FAHD2B: variants seen among roughly 807,000 people sequenced by gnomAD.
The protein encoded by FAHD2B is fumarylacetoacetate hydrolase domain containing 2B.
In FAHD2B, 26 loss-of-function variants were observed where a neutral mutation model predicts 33.7. That is an observed-to-expected ratio of 0.77 (90% CI 0.57 to 1.07). The LOEUF is 1.07. Ranked by LOEUF, FAHD2B falls within the 50% of genes least tolerant of loss-of-function variation. The pLI is 0.00. For missense variants in FAHD2B, 272 were observed against 388.1 expected (o/e 0.70, Z 2.51); for synonymous variants, 108 against 150.9 (o/e 0.72, Z 2.08).
downstream of FAHD2B, chr2:97,081,159 G>A: frequency 3.4e-6 from 5 of 1,470,596 alleles, no homozygotes; most frequent in Non-Finnish European, 4.5e-6. Context: ...CCTGGGAGCT[G>A]CAGGGCATAT....
intron 4 of FAHD2B, 118 bp from the exon 5 acceptor site, chr2:97,086,316 A>G: frequency 1.4e-6 from 2 of 1,430,424 alleles, no homozygotes; most frequent in African/African-American, 2.8e-5. Context: ...CACGTTTGCC[A>G]TCACCCTGAA....
In FAHD2B at chr2:97,084,052, GGACCCAGTGA is replaced by G. The variant is rs771490149; in HGVS notation, c.795-27_795-18del. 8.4e-4 allele frequency: 1,356 copies of G among 1,613,352 alleles called. 3 individuals carry two copies. The highest frequency in any genetic ancestry group is 1.1e-3 in the Non-Finnish European group (1,241 of 1,179,836). On this transcript the variant is annotated intron_variant, in intron 7 of 8. Transcript: ENST00000414820. ...GTAACAAACCTGGAGCAAAGCAAAA[GGACCCAGTGA>G]GACCAGGGGCTGGCTGAGTGGCCAC...
downstream of FAHD2B, chr2:97,081,655 G>A (rs2031648592): frequency 5.0e-6 from 7 of 1,411,588 alleles, no homozygotes; most frequent in Non-Finnish European, 5.6e-6. Flanking sequence ...CTTGCAGCGG[G>A]GAAGCCTAGC....
downstream of FAHD2B, chr2:97,083,562 G>A (rs2031744695): frequency 1.9e-6 from 2 of 1,046,282 alleles, no homozygotes; most frequent in Non-Finnish European, 2.7e-6. Context: ...CCCAAAAGAA[G>A]ACAAACAGCA....
chr2:97,082,915 G>T (rs929677022), downstream of FAHD2B, among the ~76,000 whole-genome samples: 1 of 152,152 alleles, frequency 6.6e-6, no homozygotes, highest in Non-Finnish European at 1.5e-5. Context: ...AGCAACAGAT[G>T]TGGTGATGGG....
downstream of FAHD2B, among the ~76,000 whole-genome samples, chr2:97,079,889 T>C (rs1473254734): frequency 6.6e-5 from 10 of 152,036 alleles, no homozygotes; most frequent in Non-Finnish European, 4.4e-5. Flanking sequence ...GGTCTTGAAC[T>C]TCTGACCTCA....
downstream of FAHD2B, among the ~76,000 whole-genome samples, chr2:97,079,704 G>A (rs1383689068): frequency 2.1e-5 from 3 of 141,686 alleles, no homozygotes; most frequent in African/African-American, 7.9e-5. Flanking sequence ...TCACTCTTTT[G>A]CCCAGGCTGG....
intron 4 of FAHD2B, among the ~76,000 whole-genome samples, chr2:97,088,592 T>C (rs2032143616): frequency 6.6e-6 from 1 of 152,118 alleles, no homozygotes; most frequent in Non-Finnish European, 1.5e-5. Context: ...TTGCCCAGTC[T>C]CGGATATGTC....
chr2:97,085,971 CA>C, intron 5 of FAHD2B, 110 bp from the exon 6 acceptor site: 1 of 1,502,472 alleles, frequency 6.7e-7, no homozygotes, highest in Non-Finnish European at 9.1e-7. Flanking sequence ...CAGAGCCAGC[CA>C]AAGGTGGGTG....
chr2:97,082,508 T>C (rs866576411), downstream of FAHD2B: 14 of 1,609,948 alleles, frequency 8.7e-6, no homozygotes, highest in Middle Eastern at 3.7e-4. Flanking sequence ...GGCAGTGGTG[T>C]TTGCTGGTGG....
At chr2:97,091,815 ACCGTTCCCTG>A in intron 2 of FAHD2B, 38 bp downstream of exon 2, 1 of 1,498,440 alleles carries the variant, frequency 6.7e-7, no homozygotes, top group Non-Finnish European at 8.9e-7. Flanking sequence ...TGCCCCATCA[ACCGTTCCCTG>A]CATACCACAC....
chr2:97,082,254 C>T (rs541850729), downstream of FAHD2B: 2,575 of 1,562,250 alleles, frequency 1.6e-3, 7 homozygotes, highest in Non-Finnish European at 2.0e-3. Context: ...CTGCTCAGCC[C>T]GCTGCTCAAG....
intron 4 of FAHD2B, 83 bp downstream of exon 4, chr2:97,090,026 T>C: frequency 1.3e-6 from 2 of 1,522,876 alleles, no homozygotes; most frequent in Non-Finnish European, 9.0e-7. Flanking sequence ...GAGCGAGAGG[T>C]GGCTCCAGTA....
chr2:97,088,334 A>G (rs1456042034), intron 4 of FAHD2B, among the ~76,000 whole-genome samples: 8 of 152,096 alleles, frequency 5.3e-5, no homozygotes, highest in Non-Finnish European at 1.5e-5. Flanking sequence ...CTAATGTGCT[A>G]TGGGAGGGAC....
At chr2:97,081,926 C>T (rs1352166536), downstream of FAHD2B, 64 of 659,254 alleles carry the variant, frequency 9.7e-5, 6 homozygotes, top group African/African-American at 9.6e-4. Context: ...GTTTCACCTG[C>T]ATGTACCTGG....
At chr2:97,094,448 C>T (rs2032539543) in intron 1 of FAHD2B, among the ~76,000 whole-genome samples, 1 of 121,032 alleles carries the variant, frequency 8.3e-6, no homozygotes, top group Non-Finnish European at 1.7e-5. Flanking sequence ...AGCAAAGGGG[C>T]GGCGACGTGA....
At position 97,085,694 on chromosome 2, in the gene FAHD2B, C is replaced by A; in HGVS notation, c.685+5G>T. On this transcript the variant is annotated splice_donor_5th_base_variant and intron_variant, in intron 6 of 8. Transcript: ENST00000414820. Reference sequence around the variant, plus strand: ...GGTACCAGGGGGCAGGGACCAGGGACCTACCTGCTACACTGTCCTTGGTCA... The same window carrying A: ...GGTACCAGGGGGCAGGGACCAGGGAACTACCTGCTACACTGTCCTTGGTCA... 6.2e-7 allele frequency: 1 copy of A among 1,613,732 alleles called. No individual in the cohort carries two copies. The highest frequency in any genetic ancestry group is 8.5e-7 in the Non-Finnish European group (1 of 1,179,820).
chr2:97,079,311 TG>T (rs2031572712), downstream of FAHD2B, among the ~76,000 whole-genome samples: 1 of 152,120 alleles, frequency 6.6e-6, no homozygotes. Context: ...CTTGGGTGAA[TG>T]TTATTTATTT....
At chr2:97,082,411 C>G (rs547947588), downstream of FAHD2B, 34 of 1,613,774 alleles carry the variant, frequency 2.1e-5, no homozygotes, top group African/African-American at 4.4e-4. Flanking sequence ...TCGGGCTACA[C>G]AGACCAGCTG....
Sources: allele counts gnomAD v4.1 joint callset (sites outside exome capture counted in the v4.1 genomes callset), GRCh38; gene constraint gnomAD v4.1.1; transcripts MANE v1.5; gene names NCBI Gene and HGNC (gene_info 2026-07-23, HGNC 2026-07-21).